The following PPP2R5D variants were observed in gnomAD, a reference collection of about 807,000 sequenced individuals.
The protein encoded by PPP2R5D is protein phosphatase 2 regulatory subunit B'delta.
In PPP2R5D, 12 loss-of-function variants were observed where a neutral mutation model predicts 79.1. The ratio of observed to expected loss-of-function variants is 0.15; its 90% CI spans 0.10 to 0.25. The LOEUF is 0.25. PPP2R5D is among the 10% of genes least tolerant of loss of function. The pLI is 1.00. For missense variants in PPP2R5D, 419 were observed against 760.2 expected (o/e 0.55, Z 5.28); for synonymous variants, 277 against 286.6 (o/e 0.97, Z 0.34).
chr6:43,009,691 C>T lies in PPP2R5D; in HGVS notation c.1379+242C>T, dbSNP rs1762255624. ...CCGCTCCTTGGGTTCAGCTATTCTA[C>T]AGGTCCTATCACAGCTTTGGAGATG... On this transcript the variant is annotated intron_variant, in intron 12 of 15. Transcript: ENST00000485511. The surrounding 1 kb of genome is among the most constrained non-coding windows in gnomAD (Gnocchi z 5.6). Among the ~76,000 whole-genome samples, 1 of 152,218 alleles carries T rather than the reference C, an allele frequency of 6.6e-6. No individual in the cohort carries two copies. The highest frequency in any genetic ancestry group is 6.5e-5 in the Admixed American group (1 of 15,282).
In PPP2R5D at chr6:43,010,914, C is replaced by G. The variant is rs140491750; in HGVS notation, c.1588C>G (p.Pro530Ala). 15 of 1,614,016 alleles carry G rather than the reference C, an allele frequency of 9.3e-6. No homozygotes were observed. In the South Asian group the frequency reaches 9.9e-5, roughly 11 times the overall value. The change falls in exon 15 of 16, where the codon CCT becomes GCT. Residue 530 changes from proline to alanine, a missense_variant. Physicochemically the swap from Pro to Ala is conservative, Grantham distance 27. Coordinates refer to ENST00000485511, the MANE Select transcript of PPP2R5D (RefSeq NM_006245.4). This position sits in a 1 kb window ranked among gnomAD's most constrained non-coding sequence, Gnocchi z 4.7. ...PMFRAPPPLP[P>A]VYSMETETPT... Reference sequence around the variant, plus strand: ...GTTCCGAGCCCCTCCACCACTGCCCCCTGTGTACTCGATGGAGACAGAGAC... The same window carrying G: ...GTTCCGAGCCCCTCCACCACTGCCCGCTGTGTACTCGATGGAGACAGAGAC...
intron 2 of PPP2R5D, among the ~76,000 whole-genome samples, chr6:42,997,436 C>T (rs991918358): frequency 1.1e-4 from 16 of 152,046 alleles, no homozygotes; most frequent in Admixed American, 2.0e-4. Flanking sequence ...AGGTGATCTG[C>T]CCACCTCAGC....
intron 2 of PPP2R5D, among the ~76,000 whole-genome samples, chr6:43,005,596 G>C (rs925083512): frequency 3.3e-5 from 5 of 151,628 alleles, no homozygotes; most frequent in African/African-American, 1.2e-4. Context: ...TTTGGCCACT[G>C]TGCCTGGCCT....
chr6:42,997,144 C>T (rs564832897), intron 2 of PPP2R5D, among the ~76,000 whole-genome samples: 5 of 151,590 alleles, frequency 3.3e-5, no homozygotes, highest in Admixed American at 6.6e-5. Context: ...TACAGGCGCC[C>T]GCTACCACGC....
Position 43,009,381 on chromosome 6 carries a change from C to G in PPP2R5D, c.1311C>G (p.Asp437Glu). 6.2e-7 allele frequency: 1 copy of G among 1,614,072 alleles called. No homozygotes were observed. The highest frequency in any genetic ancestry group is 8.5e-7 in the Non-Finnish European group (1 of 1,180,014). The change falls in exon 12 of 16, where the codon GAC (aspartate) becomes GAG (glutamate). Residue 437 changes from aspartate to glutamate, a missense_variant. This residue lies in a region of PPP2R5D where 196 missense variants were observed against 424.5 expected (regional missense o/e 0.46). Coordinates refer to ENST00000485511, the MANE Select transcript of PPP2R5D (RefSeq NM_006245.4). The surrounding 1 kb of genome is among the most constrained non-coding windows in gnomAD (Gnocchi z 5.6). ...NNEYIMSLISDNAARVLPIMF... is the reference protein window; with the variant it reads ...NNEYIMSLISENAARVLPIMF... ...AGTACATCATGAGCCTGATAAGTGA[C>G]AATGCTGCCCGAGTCCTCCCCATCA...
rs376004402 is a variant in PPP2R5D at position 43,007,165 on chromosome 6, A to G, written c.523-31A>G. The G allele has an allele frequency of 1.9e-6, 3 of 1,613,698 alleles. No individual in the cohort carries two copies. The highest frequency in any genetic ancestry group is 2.5e-6 in the Non-Finnish European group (3 of 1,179,716). ...CTGGTGAGGGGCTCTGGAGAAGCCC[A>G]GGTGGAGCTCTAACTGGCCCTACCC... On this transcript the variant is annotated intron_variant, in intron 4 of 15. Transcript: ENST00000485511. This position sits in a 1 kb window ranked among gnomAD's most constrained non-coding sequence, Gnocchi z 4.5.
At chr6:42,998,265 G>A (rs966025013) in intron 2 of PPP2R5D, among the ~76,000 whole-genome samples, 26 of 149,726 alleles carry the variant, frequency 1.7e-4, no homozygotes, top group Non-Finnish European at 3.0e-4. Flanking sequence ...AGTAAAGATA[G>A]GGTTTCACCA....
chr6:43,003,113 C>A (rs1761861184), intron 2 of PPP2R5D, among the ~76,000 whole-genome samples: 1 of 152,160 alleles, frequency 6.6e-6, no homozygotes. Flanking sequence ...TGTCTGGGAG[C>A]TATGCCTTTA....
chr6:43,004,009 C>T (rs1361192678), intron 2 of PPP2R5D, among the ~76,000 whole-genome samples: 7 of 151,244 alleles, frequency 4.6e-5, no homozygotes, highest in South Asian at 2.1e-4. Context: ...TGAGCCACCG[C>T]GCCCGGCCTG....
chr6:43,010,620 GT>G lies in PPP2R5D; in HGVS notation c.1482-43del, dbSNP rs1561852685. On this transcript the variant is annotated intron_variant, in intron 13 of 15. Transcript: ENST00000485511. This position sits in a 1 kb window ranked among gnomAD's most constrained non-coding sequence, Gnocchi z 4.7. Reference sequence around the variant, plus strand: ...TTTCATCTTCTACCACCAGCTCACTGTGTTTCTCTCAAGCCCAACCCCAATC... The same window carrying G: ...TTTCATCTTCTACCACCAGCTCACTGGTTTCTCTCAAGCCCAACCCCAATC... 2 of 1,613,270 alleles carry G rather than the reference GT, an allele frequency of 1.2e-6. No homozygotes were observed. The highest frequency in any genetic ancestry group is 1.7e-6 in the Non-Finnish European group (2 of 1,179,212).
At chr6:42,991,236 A>G (rs1431431476) in intron 2 of PPP2R5D, among the ~76,000 whole-genome samples, 1 of 152,176 alleles carries the variant, frequency 6.6e-6, no homozygotes, top group Non-Finnish European at 1.5e-5. Flanking sequence ...GAATGATTAT[A>G]ATTGTGGGAC....
Position 43,011,295 on chromosome 6 carries a change from G to C in PPP2R5D, c.*9G>C. ...GCCAGGAGGCTCTCTGACCCCTCACGTTCCTACCACAGGGCCACAGCCCAC... is the reference window on the plus strand; with the variant it reads ...GCCAGGAGGCTCTCTGACCCCTCACCTTCCTACCACAGGGCCACAGCCCAC... On this transcript the variant is annotated 3_prime_UTR_variant, in exon 16 of 16. Coordinates refer to ENST00000485511, the MANE Select transcript of PPP2R5D (RefSeq NM_006245.4). 6.2e-7 allele frequency: 1 copy of C among 1,613,544 alleles called. No homozygotes were observed. Among genetic ancestry groups the C allele is most frequent in the South Asian group, 1.1e-5 (1 of 91,064 alleles).
At chr6:42,988,925 C>G (rs1357697056) in intron 1 of PPP2R5D, among the ~76,000 whole-genome samples, 1 of 152,162 alleles carries the variant, frequency 6.6e-6, no homozygotes, top group Non-Finnish European at 1.5e-5. Context: ...CTGGGCAGGC[C>G]AGGGCTCTGA....
chr6:43,008,292 A>G lies in PPP2R5D; in HGVS notation c.917+32A>G. On this transcript the variant is annotated intron_variant, in intron 8 of 15. Coordinates refer to ENST00000485511, the MANE Select transcript of PPP2R5D (RefSeq NM_006245.4). The surrounding 1 kb of genome is among the most constrained non-coding windows in gnomAD (Gnocchi z 4.2). Reference sequence around the variant, plus strand: ...GGCCGGGTGGGGGCACAGATGCCTGAAAAAGGTTGGCAGGATTGGTGTACT... The same window carrying G: ...GGCCGGGTGGGGGCACAGATGCCTGGAAAAGGTTGGCAGGATTGGTGTACT... 1.9e-6 allele frequency: 3 copies of G among 1,613,766 alleles called. No homozygotes were observed. Among genetic ancestry groups the G allele is most frequent in the Non-Finnish European group, 2.5e-6 (3 of 1,179,652 alleles).
Position 43,008,079 on chromosome 6 carries a change from C to T in PPP2R5D, c.857+14C>T. On this transcript the variant is annotated intron_variant, in intron 7 of 15. Coordinates refer to ENST00000485511, the MANE Select transcript of PPP2R5D (RefSeq NM_006245.4). The surrounding 1 kb of genome is among the most constrained non-coding windows in gnomAD (Gnocchi z 4.2). ...CATCTTCTACAGGTGAGGCCAGGAG[C>T]CCAGGCTTAGGAGCAAAACCTTCTG... 1 of 1,614,108 alleles carries T rather than the reference C, an allele frequency of 6.2e-7. No individual in the cohort carries two copies. The highest frequency in any genetic ancestry group is 8.5e-7 in the Non-Finnish European group (1 of 1,179,992).
chr6:42,987,488 G>T (rs1279212149), intron 1 of PPP2R5D, among the ~76,000 whole-genome samples: 2 of 152,108 alleles, frequency 1.3e-5, no homozygotes, highest in Non-Finnish European at 2.9e-5. Context: ...AGGGAAGAGG[G>T]TATTATGATT....
At chr6:43,005,506 A>T (rs1762026658) in intron 2 of PPP2R5D, among the ~76,000 whole-genome samples, 1 of 152,066 alleles carries the variant, frequency 6.6e-6, no homozygotes, top group South Asian at 2.1e-4. Context: ...GGGTCTTGCT[A>T]CGTTGTTCAG....
intron 15 of PPP2R5D, 21 bp from the exon 16 acceptor site, chr6:43,011,128 C>T (rs1762332303): frequency 6.2e-7 from 1 of 1,613,952 alleles, no homozygotes; most frequent in Non-Finnish European, 8.5e-7. Flanking sequence ...CATTCCTCAC[C>T]TTGTCCCTAT....
chr6:43,011,467 A>C lies in PPP2R5D; in HGVS notation c.*181A>C. The C allele has an allele frequency of 2.5e-6, 2 of 796,044 alleles. No individual in the cohort carries two copies. The highest frequency in any genetic ancestry group is 1.7e-5 in the African/African-American group (1 of 57,494). 49.3% of individuals were successfully genotyped at this position (796,044 alleles called of 1,614,324 possible). A position where few individuals can be genotyped will look rare whatever the true frequency, so the allele number is the denominator to read the frequency against. ...CACAGAATGGTCCCTCTTCTCCCCA[A>C]AAGGTGTTCATGCCTCCCTGTGGCT... On this transcript the variant is annotated 3_prime_UTR_variant, in exon 16 of 16. Transcript: ENST00000485511.
Sources: allele counts gnomAD v4.1 joint callset (sites outside exome capture counted in the v4.1 genomes callset), GRCh38; gene constraint gnomAD v4.1.1; regional missense constraint gnomAD v4.1.1; non-coding constraint Gnocchi (gnomAD v3.1); transcripts MANE v1.5; gene names NCBI Gene and HGNC (gene_info 2026-07-23, HGNC 2026-07-21).